Variants in KCND2 observed in about 807,000 individuals in gnomAD.
The protein encoded by KCND2 is potassium voltage-gated channel subfamily D member 2, also known as A-type voltage-gated potassium channel KCND2.
In KCND2, 16 loss-of-function variants were observed where a neutral mutation model predicts 54.4. The observed-to-expected ratio is 0.29, with a 90% CI of 0.20 to 0.45. The LOEUF (loss-of-function observed/expected upper bound fraction) is 0.45, where lower values mean the gene tolerates loss of function less well. KCND2 is among the 20% of genes least tolerant of loss of function. The probability of loss-of-function intolerance (pLI) is 1.00; values close to 1 mark genes in which losing one functional copy is unlikely to be tolerated. For synonymous variants in KCND2, 317 were observed against 310.7 expected, an observed-to-expected ratio of 1.02 and a Z score of -0.21; for missense variants, 486 against 824.2, an observed-to-expected ratio of 0.59 and a Z score of 5.02.
At chr7:120,491,891 G>A (rs1039039198) in intron 1 of KCND2, among the ~76,000 whole-genome samples, 18 of 152,148 alleles carry the variant, frequency 1.2e-4, no homozygotes, top group African/African-American at 4.3e-4. Context: ...TATCTAGAAT[G>A]TAAAGAGATT....
intron 1 of KCND2, among the ~76,000 whole-genome samples, chr7:120,291,434 T>C (rs1300124801): frequency 6.6e-6 from 1 of 151,898 alleles, no homozygotes; most frequent in Non-Finnish European, 1.5e-5. Context: ...AAAATTGGTG[T>C]ATATTAGGTG....
intron 1 of KCND2, among the ~76,000 whole-genome samples, chr7:120,705,864 T>C (rs542042939): frequency 6.6e-6 from 1 of 152,140 alleles, no homozygotes; most frequent in Non-Finnish European, 1.5e-5. Flanking sequence ...TGTGTCCCTT[T>C]CTATCAGTGC....
intron 1 of KCND2, among the ~76,000 whole-genome samples, chr7:120,434,106 A>G (rs9942667): frequency 0.32 from 48,184 of 152,024 alleles, 10,415 homozygotes; most frequent in African/African-American, 0.6. Context: ...TCAATGAGCC[A>G]AATCCAAACT....
At chr7:120,739,587 T>C (rs1487222891) in intron 2 of KCND2, among the ~76,000 whole-genome samples, 2 of 152,002 alleles carry the variant, frequency 1.3e-5, no homozygotes, top group Non-Finnish European at 2.9e-5. Flanking sequence ...ATAAATATGG[T>C]CTTTGTACAA....
At chr7:120,700,634 G>C (rs988768625) in intron 1 of KCND2, among the ~76,000 whole-genome samples, 7 of 152,120 alleles carry the variant, frequency 4.6e-5, no homozygotes, top group Non-Finnish European at 8.8e-5. Flanking sequence ...ATTTATTAAA[G>C]TTAAGACAAT....
At chr7:120,453,699 G>C (rs1347552798) in intron 1 of KCND2, among the ~76,000 whole-genome samples, 1 of 152,102 alleles carries the variant, frequency 6.6e-6, no homozygotes, top group African/African-American at 2.4e-5. Flanking sequence ...TAGAAATCAA[G>C]TAATGAAAAC....
intron 1 of KCND2, among the ~76,000 whole-genome samples, chr7:120,638,135 C>T (rs1793329360): frequency 1.3e-5 from 2 of 152,104 alleles, no homozygotes; most frequent in Admixed American, 1.3e-4. Flanking sequence ...GGATCTTCCG[C>T]AGAATTTCTT....
chr7:120,531,977 C>G (rs2116365579), intron 1 of KCND2, among the ~76,000 whole-genome samples: 1 of 152,104 alleles, frequency 6.6e-6, no homozygotes, highest in Admixed American at 6.6e-5. Flanking sequence ...CTCAGTCCTC[C>G]AGATTCAAAT....
Position 120,406,663 on chromosome 7 carries a change from G to A in KCND2, c.1115+130916G>A, listed in dbSNP as rs185239469. Among the ~76,000 whole-genome samples the A allele has an allele frequency of 4.2e-3, 642 of 152,072 alleles. 4 individuals are homozygous for A. Among genetic ancestry groups the A allele is most frequent in the Middle Eastern group, 0.01 (3 of 294 alleles). Reference sequence around the variant, plus strand: ...AAGAAAAGATTGCTTTACTGGAGAGGTGAGATACACATTAATGCAAAGTTA... The same window carrying A: ...AAGAAAAGATTGCTTTACTGGAGAGATGAGATACACATTAATGCAAAGTTA... On this transcript the variant is annotated intron_variant, in intron 1 of 5. Transcript: ENST00000331113.
intron 1 of KCND2, among the ~76,000 whole-genome samples, chr7:120,403,484 T>A (rs1373910154): frequency 1.7e-5 from 2 of 120,656 alleles, no homozygotes; most frequent in South Asian, 2.5e-4. Flanking sequence ...CCCGGCTAAT[T>A]TTTTTTTTTT....
chr7:120,670,671 C>G (rs1441957570), intron 1 of KCND2, among the ~76,000 whole-genome samples: 4 of 152,052 alleles, frequency 2.6e-5, no homozygotes, highest in Admixed American at 2.0e-4. Flanking sequence ...AATCCCAGCA[C>G]TTTAGGAGGC....
intron 1 of KCND2, among the ~76,000 whole-genome samples, chr7:120,721,635 TTTTATA>T (rs1434340922): frequency 1.3e-5 from 2 of 152,212 alleles, no homozygotes; most frequent in Non-Finnish European, 2.9e-5. Context: ...TCTCATCTCC[TTTTATA>T]TTTAAACAGC....
intron 1 of KCND2, among the ~76,000 whole-genome samples, chr7:120,651,414 C>G (rs1791731532): frequency 6.6e-6 from 1 of 152,158 alleles, no homozygotes; most frequent in Non-Finnish European, 1.5e-5. Flanking sequence ...ACTCTCCCAG[C>G]CATGCACGGG....
intron 1 of KCND2, among the ~76,000 whole-genome samples, chr7:120,421,241 T>C (rs1262575670): frequency 6.6e-6 from 1 of 152,316 alleles, no homozygotes; most frequent in East Asian, 1.9e-4. Flanking sequence ...CCTTTCTATG[T>C]GTATTGAGCA....
intron 1 of KCND2, among the ~76,000 whole-genome samples, chr7:120,717,626 C>T (rs1272130545): frequency 6.6e-6 from 1 of 152,054 alleles, no homozygotes; most frequent in African/African-American, 2.4e-5. Flanking sequence ...CAAACCATTT[C>T]AGTATCATCA....
chr7:120,626,002 A>G (rs1397258114), intron 1 of KCND2, among the ~76,000 whole-genome samples: 1 of 152,094 alleles, frequency 6.6e-6, no homozygotes, highest in Non-Finnish European at 1.5e-5. Context: ...ATTTTGGAAC[A>G]TTTTACAATC....
intron 1 of KCND2, among the ~76,000 whole-genome samples, chr7:120,342,730 G>A (rs921741996): frequency 3.9e-5 from 6 of 152,048 alleles, no homozygotes; most frequent in Admixed American, 3.3e-4. Flanking sequence ...ATTATTTAGA[G>A]TATTTTATGA....
At chr7:120,430,972 A>T (rs1801781351) in intron 1 of KCND2, among the ~76,000 whole-genome samples, 1 of 152,238 alleles carries the variant, frequency 6.6e-6, no homozygotes, top group African/African-American at 2.4e-5. Context: ...TGTGGCAAAT[A>T]TCAATAAATA....
At chr7:120,570,276 C>T (rs1416260256) in intron 1 of KCND2, among the ~76,000 whole-genome samples, 6 of 151,776 alleles carry the variant, frequency 4.0e-5, no homozygotes, top group South Asian at 2.1e-4. Flanking sequence ...TGATGGGAGG[C>T]GGGTGAAGGA....
Sources: allele counts gnomAD v4.1 joint callset (sites outside exome capture counted in the v4.1 genomes callset), GRCh38; gene constraint gnomAD v4.1.1; transcripts MANE v1.5; gene names NCBI Gene and HGNC (gene_info 2026-07-23, HGNC 2026-07-21).